Variants in GRIP1 observed in about 807,000 individuals in gnomAD.
GRIP1 encodes the protein glutamate receptor interacting protein 1, also known as glutamate receptor-interacting protein 1.
A neutral mutation model predicts 129.9 loss-of-function variants in GRIP1; 45 were observed. The observed-to-expected ratio is 0.35, with a 90% CI of 0.27 to 0.44. The LOEUF is 0.44. Ranked by LOEUF, GRIP1 falls within the 20% of genes least tolerant of loss-of-function variation. The probability of loss-of-function intolerance (pLI) is 1.00; values close to 1 mark genes in which losing one functional copy is unlikely to be tolerated. For synonymous variants in GRIP1, 530 were observed against 520.8 expected, an observed-to-expected ratio of 1.02 and a Z score of -0.24; for missense variants, 1,196 against 1,396.8, an observed-to-expected ratio of 0.86 and a Z score of 2.29.
At chr12:66,843,472 T>G (rs981449785) in intron 1 of GRIP1, among the ~76,000 whole-genome samples, 6 of 152,094 alleles carry the variant, frequency 3.9e-5, no homozygotes, top group Non-Finnish European at 8.8e-5. Flanking sequence ...GAAAGCACTG[T>G]TGATATTTTA....
chr12:66,540,881 G>A (rs1046535588), intron 3 of GRIP1, among the ~76,000 whole-genome samples: 6 of 152,218 alleles, frequency 3.9e-5, no homozygotes, highest in Non-Finnish European at 7.4e-5. Flanking sequence ...TGCAACCTCC[G>A]CCTCCTGGGC....
At chr12:66,928,910 A>C (rs1361358324) in intron 1 of GRIP1, among the ~76,000 whole-genome samples, 1 of 152,224 alleles carries the variant, frequency 6.6e-6, no homozygotes, top group Non-Finnish European at 1.5e-5. Flanking sequence ...GTGTATCCCC[A>C]GGGAAAGATG....
intron 2 of GRIP1, among the ~76,000 whole-genome samples, chr12:66,546,976 C>T (rs2061968272): frequency 6.6e-6 from 1 of 152,068 alleles, no homozygotes; most frequent in Non-Finnish European, 1.5e-5. Context: ...AGAACATCTA[C>T]AGACCAGGAA....
At chr12:67,065,206 TA>T (rs71726634) in intron 1 of GRIP1, 27,109 of 151,930 alleles carry the variant, frequency 0.18, 2,846 homozygotes, top group African/African-American at 0.3. Flanking sequence ...GCCATGGTGG[TA>T]ACATGTCTGC....
intron 2 of GRIP1, among the ~76,000 whole-genome samples, chr12:66,581,401 A>T (rs1273403617): frequency 6.6e-6 from 1 of 151,074 alleles, no homozygotes; most frequent in African/African-American, 2.4e-5. Flanking sequence ...AAATAACTAA[A>T]ATCAGAGCAG....
intron 1 of GRIP1, among the ~76,000 whole-genome samples, chr12:66,629,242 C>T (rs2030462130): frequency 6.6e-6 from 1 of 152,156 alleles, no homozygotes; most frequent in Admixed American, 6.5e-5. Context: ...GGGAAGTTGA[C>T]AAGACATATT....
intron 13 of GRIP1, among the ~76,000 whole-genome samples, chr12:66,441,364 C>T (rs2058467689): frequency 6.6e-6 from 1 of 151,782 alleles, no homozygotes; most frequent in South Asian, 2.1e-4. Context: ...CAGGCAGAGT[C>T]CCCTCCTTGG....
intron 1 of GRIP1, among the ~76,000 whole-genome samples, chr12:66,946,592 G>A (rs1302472303): frequency 1.3e-5 from 2 of 151,812 alleles, no homozygotes; most frequent in Admixed American, 6.6e-5. Context: ...TGGAAGACTG[G>A]CTAAAACACA....
At chr12:66,948,928 A>G (rs1266511345) in intron 1 of GRIP1, among the ~76,000 whole-genome samples, 1 of 152,168 alleles carries the variant, frequency 6.6e-6, no homozygotes, top group Non-Finnish European at 1.5e-5. Flanking sequence ...CTCATTTTAA[A>G]CCAATGTTAG....
chr12:66,457,002 A>T (rs2138251951), intron 9 of GRIP1, among the ~76,000 whole-genome samples: 1 of 152,310 alleles, frequency 6.6e-6, no homozygotes. Flanking sequence ...TATTTACATT[A>T]GAAATAATTA....
chr12:66,859,109 G>C (rs2040056135), intron 1 of GRIP1, among the ~76,000 whole-genome samples: 1 of 150,530 alleles, frequency 6.6e-6, no homozygotes, highest in Admixed American at 6.6e-5. Context: ...TTGGGAATAT[G>C]AGCCATATGA....
chr12:66,848,377 C>G (rs971985732), intron 1 of GRIP1, among the ~76,000 whole-genome samples: 3 of 152,202 alleles, frequency 2.0e-5, no homozygotes, highest in Admixed American at 2.0e-4. Context: ...GAACACTATA[C>G]AGGGCCCTAG....
At chr12:66,891,472 C>T (rs1377782948) in intron 1 of GRIP1, among the ~76,000 whole-genome samples, 2 of 152,132 alleles carry the variant, frequency 1.3e-5, no homozygotes, top group African/African-American at 4.8e-5. Flanking sequence ...ATTTCTCTCC[C>T]ATCTGAAGGT....
At chr12:66,756,107 T>C (rs1468724349) in intron 1 of GRIP1, among the ~76,000 whole-genome samples, 1 of 152,214 alleles carries the variant, frequency 6.6e-6, no homozygotes, top group Non-Finnish European at 1.5e-5. Flanking sequence ...TAAGTATATT[T>C]ACATTGTTGG....
chr12:66,552,955 C>T (rs868583855), intron 2 of GRIP1, among the ~76,000 whole-genome samples: 1 of 152,160 alleles, frequency 6.6e-6, no homozygotes, highest in African/African-American at 2.4e-5. Flanking sequence ...GAGAGCCCTA[C>T]TCAGACCCAC....
At chr12:66,414,515 C>G (rs1421225655) in intron 15 of GRIP1, among the ~76,000 whole-genome samples, 1 of 152,126 alleles carries the variant, frequency 6.6e-6, no homozygotes, top group Non-Finnish European at 1.5e-5. Flanking sequence ...AATGACCATA[C>G]TGCCCAAAGT....
At chr12:67,010,823 C>G (rs2042695793) in intron 1 of GRIP1, among the ~76,000 whole-genome samples, 1 of 151,996 alleles carries the variant, frequency 6.6e-6, no homozygotes, top group African/African-American at 2.4e-5. Flanking sequence ...GTCTCCCCCC[C>G]AGCGCAGGAA....
At chr12:66,353,711 G>A in intron 23 of GRIP1, 148 bp from the exon 24 acceptor site, 2 of 760,722 alleles carry the variant, frequency 2.6e-6, no homozygotes, top group East Asian at 5.0e-5. Flanking sequence ...CAATCCTGCA[G>A]CCTTTTTTTC....
At chr12:66,515,459 A>C (rs1264533202) in intron 7 of GRIP1, among the ~76,000 whole-genome samples, 160 bp downstream of exon 7, 3 of 152,170 alleles carry the variant, frequency 2.0e-5, no homozygotes, top group Non-Finnish European at 4.4e-5. Flanking sequence ...ACAGCCACTC[A>C]CATATTCCTG....
Sources: gnomAD v4.1 joint callset for allele counts (sites outside exome capture counted in the v4.1 genomes callset) on GRCh38, gnomAD v4.1.1 for gene constraint, MANE v1.5 for transcripts, NCBI Gene and HGNC (gene_info 2026-07-23, HGNC 2026-07-21) for gene names.